Variants in ITPR2 observed in about 807,000 individuals in gnomAD.
ITPR2 encodes inositol 1,4,5-trisphosphate receptor type 2.
Under a neutral mutation model 317.1 loss-of-function variants are expected in ITPR2, and 207 were observed. The ratio of observed to expected loss-of-function variants is 0.65; its 90% CI spans 0.58 to 0.73. ITPR2 has a LOEUF of 0.73. Ranked by LOEUF, ITPR2 falls within the 30% of genes least tolerant of loss-of-function variation. The pLI is 0.00. For synonymous variants in ITPR2, 1,156 were observed against 1,149.1 expected (o/e 1.01, Z -0.12); for missense variants, 2,613 against 3,284.0 (o/e 0.80, Z 4.99).
chr12:26,503,065 T>C (rs1015433226), intron 37 of ITPR2, among the ~76,000 whole-genome samples: 8 of 152,062 alleles, frequency 5.3e-5, no homozygotes, highest in African/African-American at 1.9e-4. Context: ...TCCTTGATCT[T>C]CAAGCTGTGA....
chr12:26,645,334 A>G (rs1591992782), intron 21 of ITPR2, among the ~76,000 whole-genome samples: 1 of 152,224 alleles, frequency 6.6e-6, no homozygotes, highest in African/African-American at 2.4e-5. Context: ...CAAGAAGGAA[A>G]CCTACCACTG....
intron 10 of ITPR2, among the ~76,000 whole-genome samples, chr12:26,694,861 C>T (rs184731635): frequency 1.1e-3 from 167 of 152,240 alleles, no homozygotes; most frequent in Non-Finnish European, 1.7e-3. Flanking sequence ...GGGCCAATTA[C>T]CTGATACTTC....
intron 2 of ITPR2, among the ~76,000 whole-genome samples, chr12:26,787,419 T>C (rs960482579): frequency 1.3e-5 from 2 of 152,204 alleles, no homozygotes; most frequent in African/African-American, 2.4e-5. Context: ...GAAAAAGTGA[T>C]TCATGCTCTG....
intron 20 of ITPR2, among the ~76,000 whole-genome samples, chr12:26,655,383 G>A (rs530011101): frequency 6.6e-6 from 1 of 152,196 alleles, no homozygotes; most frequent in African/African-American, 2.4e-5. Flanking sequence ...GGGAGGCCGG[G>A]GCAGGTGGAT....
At chr12:26,365,498 T>G (rs1938981792) in intron 55 of ITPR2, among the ~76,000 whole-genome samples, 1 of 152,202 alleles carries the variant, frequency 6.6e-6, no homozygotes, top group East Asian at 1.9e-4. Flanking sequence ...CATGACACCC[T>G]AGAAATGTTA....
At chr12:26,403,932 A>G (rs1038585090) in intron 52 of ITPR2, among the ~76,000 whole-genome samples, 3 of 152,174 alleles carry the variant, frequency 2.0e-5, no homozygotes, top group African/African-American at 7.2e-5. Flanking sequence ...CTCTCTGTGA[A>G]GCTGTAGGGA....
intron 2 of ITPR2, among the ~76,000 whole-genome samples, chr12:26,742,093 A>G (rs181025732): frequency 6.6e-6 from 1 of 152,328 alleles, no homozygotes; most frequent in African/African-American, 2.4e-5. Flanking sequence ...GAATGCTCTG[A>G]GAGGACAGAT....
At chr12:26,464,398 C>T (rs140197499) in intron 45 of ITPR2, among the ~76,000 whole-genome samples, 1 of 152,144 alleles carries the variant, frequency 6.6e-6, no homozygotes, top group Non-Finnish European at 1.5e-5. Context: ...ATACAGTTCA[C>T]GACAAGGTTC....
At chr12:26,408,022 T>G (rs972977219) in intron 52 of ITPR2, among the ~76,000 whole-genome samples, 3 of 152,158 alleles carry the variant, frequency 2.0e-5, no homozygotes. Context: ...AAGTCTCAAC[T>G]TAAGTAATTC....
At chr12:26,501,000 A>G (rs1443655007) in intron 37 of ITPR2, among the ~76,000 whole-genome samples, 1 of 152,224 alleles carries the variant, frequency 6.6e-6, no homozygotes, top group Non-Finnish European at 1.5e-5. Flanking sequence ...AATATAATCA[A>G]GATATCATGA....
intron 37 of ITPR2, among the ~76,000 whole-genome samples, chr12:26,511,792 T>C (rs905188088): frequency 6.6e-6 from 1 of 152,232 alleles, no homozygotes; most frequent in Non-Finnish European, 1.5e-5. Flanking sequence ...GGCCAACGCA[T>C]AGACAGCTGG....
intron 37 of ITPR2, among the ~76,000 whole-genome samples, chr12:26,547,880 CCT>C (rs1376683776): frequency 6.6e-6 from 1 of 152,160 alleles, no homozygotes; most frequent in African/African-American, 2.4e-5. Flanking sequence ...GCGCCATAAA[CCT>C]GCTAGACAAA....
chr12:26,674,569 G>C (rs949616361), intron 13 of ITPR2, among the ~76,000 whole-genome samples: 1 of 152,136 alleles, frequency 6.6e-6, no homozygotes, highest in Non-Finnish European at 1.5e-5. Context: ...AGACATAAAC[G>C]TTAGACCTAA....
In ITPR2 at chr12:26,602,490, C is replaced by T. The variant is rs371072511; in HGVS notation, c.3558G>A (p.Leu1186=). 1.2e-6 allele frequency: 2 copies of T among 1,608,874 alleles called. No individual in the cohort carries two copies. The highest frequency in any genetic ancestry group is 4.5e-5 in the East Asian group (2 of 44,728). The part of the protein sequence containing the change: ...SNNYRIVKEI[L]IRLSKLCVQN... Reference sequence around the variant, plus strand: ...GCACACAGAGTTTACTTAGCCTGATCAAAATCTTTAAAAGGAAGAGGGAAA... The same window carrying T: ...GCACACAGAGTTTACTTAGCCTGATTAAAATCTTTAAAAGGAAGAGGGAAA... The change falls in exon 28 of 57, where the codon TTG becomes TTA. Residue 1186 remains leucine (L), a synonymous_variant. Transcript: ENST00000381340.
In ITPR2 at chr12:26,339,487, G is replaced by C. The variant is rs755542276; in HGVS notation, c.8020-4C>G. On this transcript the variant is annotated splice_region_variant and splice_polypyrimidine_tract_variant and intron_variant, in intron 56 of 56. Transcript: ENST00000381340. ...TATTCTTCCTTTGTTCTGTCATCTG[G>C]GGGAAAAGAGAGAGTGTGTGTTCAG... 6.2e-7 allele frequency: 1 copy of C among 1,612,766 alleles called. No individual in the cohort carries two copies. The highest frequency in any genetic ancestry group is 8.5e-7 in the Non-Finnish European group (1 of 1,179,016).
intron 54 of ITPR2, among the ~76,000 whole-genome samples, chr12:26,396,227 T>G (rs1294730025): frequency 6.6e-6 from 1 of 152,256 alleles, no homozygotes; most frequent in African/African-American, 2.4e-5. Flanking sequence ...GGGTTATTTT[T>G]CTATAAAGGT....
intron 26 of ITPR2, among the ~76,000 whole-genome samples, chr12:26,609,489 C>G (rs1233634534): frequency 2.0e-5 from 3 of 152,018 alleles, no homozygotes; most frequent in Non-Finnish European, 4.4e-5. Context: ...CACATATGGT[C>G]CCAGCTACTC....
intron 55 of ITPR2, among the ~76,000 whole-genome samples, chr12:26,360,691 A>C (rs1938797490): frequency 6.6e-6 from 1 of 152,220 alleles, no homozygotes; most frequent in Non-Finnish European, 1.5e-5. Context: ...CAAGATTTCC[A>C]AGGTCTTGTT....
intron 55 of ITPR2, among the ~76,000 whole-genome samples, chr12:26,386,414 A>T (rs374601146): frequency 6.6e-6 from 1 of 152,248 alleles, no homozygotes; most frequent in East Asian, 1.9e-4. Context: ...TGTGACATGT[A>T]AATATTGACA....
Sources: gnomAD v4.1 joint callset for allele counts (sites outside exome capture counted in the v4.1 genomes callset) on GRCh38, gnomAD v4.1.1 for gene constraint, MANE v1.5 for transcripts, NCBI Gene and HGNC (gene_info 2026-07-23, HGNC 2026-07-21) for gene names.